Variants in FAM222B observed in about 807,000 individuals in gnomAD.
The protein encoded by FAM222B is protein FAM222B.
A neutral mutation model predicts 38.0 loss-of-function variants in FAM222B; 12 were observed. The observed-to-expected ratio is 0.32, with a 90% CI of 0.20 to 0.51. The LOEUF (loss-of-function observed/expected upper bound fraction) is 0.51. FAM222B is among the 20% of genes least tolerant of loss of function. The pLI is 0.97. For synonymous variants in FAM222B, 329 were observed against 317.2 expected (o/e 1.04, Z -0.40); for missense variants, 716 against 754.2 (o/e 0.95, Z 0.59).
chr17:28,809,889 C>T (rs890519592), intron 1 of FAM222B, among the ~76,000 whole-genome samples: 1 of 151,908 alleles, frequency 6.6e-6, no homozygotes, highest in Admixed American at 6.6e-5. Context: ...TACTGCTCAC[C>T]CATGGGTAGA....
chr17:28,785,195 C>A (rs977554567), intron 1 of FAM222B, among the ~76,000 whole-genome samples: 1 of 118,388 alleles, frequency 8.4e-6, no homozygotes, highest in Non-Finnish European at 2.1e-5. Context: ...GGTATTGAAT[C>A]TCTGTCTTAG....
chr17:28,791,073 A>G (rs2036662854), intron 1 of FAM222B, among the ~76,000 whole-genome samples: 1 of 151,098 alleles, frequency 6.6e-6, no homozygotes, highest in Non-Finnish European at 1.5e-5. Context: ...ACGCCCAGCT[A>G]ATTTTTTTTT....
intron 1 of FAM222B, among the ~76,000 whole-genome samples, chr17:28,770,022 ACC>A (rs2151797666): frequency 6.6e-6 from 1 of 152,188 alleles, no homozygotes; most frequent in African/African-American, 2.4e-5. Context: ...CTATCCTGAG[ACC>A]CTGAACTCAA....
chr17:28,839,967 G>C (rs1032036311), intron 1 of FAM222B, among the ~76,000 whole-genome samples: 2 of 151,648 alleles, frequency 1.3e-5, no homozygotes, highest in Admixed American at 1.3e-4. Context: ...TCAGGTAAAA[G>C]ACCAATCACT....
intron 1 of FAM222B, among the ~76,000 whole-genome samples, chr17:28,811,810 G>A (rs1706242922): frequency 6.6e-6 from 1 of 152,160 alleles, no homozygotes; most frequent in Non-Finnish European, 1.5e-5. Context: ...TGTTATTGCT[G>A]ATCAAGGCAG....
In FAM222B at chr17:28,822,486, G is replaced by A. The variant is rs139894703; in HGVS notation, c.-41+20196C>T. 2.7e-3 allele frequency among the ~76,000 whole-genome samples: 406 copies of A among 151,200 alleles called. 1 individual carries two copies. The highest frequency in any genetic ancestry group is 4.6e-3 in the Non-Finnish European group (310 of 67,756). On this transcript the variant is annotated intron_variant, in intron 1 of 2. Coordinates refer to ENST00000581407, the MANE Select transcript of FAM222B (RefSeq NM_001077498.3). The stretch of plus-strand genomic sequence containing the variant: ...TAAAAATACAAAAATTAAGCTGGGC[G>A]CAGTGGCATAAGCCTGTAATCCCAG...
At chr17:28,811,001 CTG>C (rs1567871300) in intron 1 of FAM222B, among the ~76,000 whole-genome samples, 4 of 152,066 alleles carry the variant, frequency 2.6e-5, no homozygotes, top group Non-Finnish European at 1.5e-5. Context: ...TCGTGGGAAA[CTG>C]AACCTGTATT....
At chr17:28,835,775 G>C (rs1038437524) in intron 1 of FAM222B, among the ~76,000 whole-genome samples, 1 of 151,916 alleles carries the variant, frequency 6.6e-6, no homozygotes, top group African/African-American at 2.4e-5. Flanking sequence ...GTACTCAAGT[G>C]ATCCTCCCAC....
intron 1 of FAM222B, among the ~76,000 whole-genome samples, chr17:28,779,801 G>A (rs1163384261): frequency 2.7e-5 from 4 of 148,394 alleles, no homozygotes; most frequent in Non-Finnish European, 4.5e-5. Flanking sequence ...TAAAGCATCT[G>A]ACAAAATTCA....
chr17:28,796,212 T>C (rs1443521812), intron 1 of FAM222B, among the ~76,000 whole-genome samples: 1 of 152,216 alleles, frequency 6.6e-6, no homozygotes, highest in Non-Finnish European at 1.5e-5. Flanking sequence ...TAAAAGTTAA[T>C]TGGACATAAT....
At chr17:28,765,892 C>T (rs556876463) in intron 2 of FAM222B, among the ~76,000 whole-genome samples, 1 of 152,268 alleles carries the variant, frequency 6.6e-6, no homozygotes, top group Non-Finnish European at 1.5e-5. Context: ...AGGCAGGTAG[C>T]AAAGCCAAAG....
At chr17:28,773,303 C>T (rs377664698) in intron 1 of FAM222B, among the ~76,000 whole-genome samples, 80 of 151,474 alleles carry the variant, frequency 5.3e-4, no homozygotes, top group African/African-American at 1.8e-3. Flanking sequence ...GTGGTGAAAC[C>T]CCATCTCTAC....
chr17:28,847,319 G>A (rs1264761685), upstream of FAM222B, among the ~76,000 whole-genome samples: 2 of 152,118 alleles, frequency 1.3e-5, no homozygotes, highest in African/African-American at 4.8e-5. Context: ...AGTGGGCCGT[G>A]CGTGGTGGTT....
At chr17:28,830,359 A>G (rs1172314208) in intron 1 of FAM222B, among the ~76,000 whole-genome samples, 1 of 151,388 alleles carries the variant, frequency 6.6e-6, no homozygotes, top group Non-Finnish European at 1.5e-5. Context: ...AAGCGGTTTC[A>G]CCGTGTTAGC....
chr17:28,759,656 C>T lies in FAM222B; in HGVS notation c.303G>A (p.Leu101=). Residue 101 remains leucine, a synonymous_variant, in exon 3 of 3, where the codon CTG becomes CTA. Transcript: ENST00000581407. The surrounding 1 kb of genome is among the most constrained non-coding windows in gnomAD (Gnocchi z 4.8). ...TGGCTGGCACTTTGACAATGGCAAG[C>T]AGGCCTGCCTTGGTGGCAGCCTGTG... ...YPTQAATKAG[L]LAIVKVPAKS... is the part of the protein sequence containing the mutation. 1.9e-6 allele frequency: 3 copies of T among 1,613,200 alleles called. No homozygotes were observed. Among genetic ancestry groups the T allele is most frequent in the South Asian group, 1.1e-5 (1 of 90,922 alleles).
intron 1 of FAM222B, among the ~76,000 whole-genome samples, chr17:28,780,937 G>A (rs2151839464): frequency 6.6e-6 from 1 of 151,368 alleles, no homozygotes; most frequent in South Asian, 2.1e-4. Context: ...TACAGGGAGA[G>A]AGAAAATATT....
At chr17:28,761,853 G>A (rs1020918155) in intron 2 of FAM222B, 1 of 152,110 alleles carries the variant, frequency 6.6e-6, no homozygotes, top group African/African-American at 2.4e-5. Flanking sequence ...AAGCTGCCTT[G>A]GTCAACCACT....
intron 1 of FAM222B, among the ~76,000 whole-genome samples, chr17:28,791,747 C>G (rs1393027775): frequency 6.8e-6 from 1 of 147,878 alleles, no homozygotes; most frequent in Admixed American, 6.8e-5. Context: ...ACAGCCTCCA[C>G]TTTCTGGGTT....
intron 1 of FAM222B, among the ~76,000 whole-genome samples, chr17:28,776,375 CAAAAAAAAA>C (rs35900323): frequency 8.0e-5 from 5 of 62,474 alleles, no homozygotes; most frequent in South Asian, 1.3e-3. Context: ...GACTCCGTCT[CAAAAAAAAA>C]AAAAAAAAAA....
Sources: allele counts gnomAD v4.1 joint callset (sites outside exome capture counted in the v4.1 genomes callset), GRCh38; gene constraint gnomAD v4.1.1; non-coding constraint Gnocchi (gnomAD v3.1); transcripts MANE v1.5; gene names NCBI Gene and HGNC (gene_info 2026-07-23, HGNC 2026-07-21).